The following GPATCH2 variants were observed in gnomAD, a reference collection of about 807,000 sequenced individuals.
GPATCH2 encodes the protein G patch domain-containing protein 2.
A neutral mutation model predicts 58.0 loss-of-function variants in GPATCH2; 51 were observed. That is an observed-to-expected ratio of 0.88 (90% CI 0.70 to 1.11). GPATCH2 has a LOEUF of 1.11. GPATCH2 is among the 50% of genes most tolerant of loss of function. GPATCH2 has a pLI of 0.00. For synonymous variants in GPATCH2, 222 were observed against 218.5 expected (o/e 1.02, Z -0.14); for missense variants, 625 against 652.2 (o/e 0.96, Z 0.45).
chr1:217,478,279 G>A (rs990696688), intron 8 of GPATCH2, among the ~76,000 whole-genome samples: 1 of 152,042 alleles, frequency 6.6e-6, no homozygotes, highest in African/African-American at 2.4e-5. Flanking sequence ...GACCATCCAG[G>A]AAAACATGAC....
intron 5 of GPATCH2, among the ~76,000 whole-genome samples, chr1:217,589,546 A>G (rs1335694326): frequency 6.6e-6 from 1 of 152,190 alleles, no homozygotes; most frequent in Non-Finnish European, 1.5e-5. Context: ...CTTGTATCTT[A>G]CTGTTTAACC....
intron 8 of GPATCH2, among the ~76,000 whole-genome samples, chr1:217,454,612 C>A (rs1181864218): frequency 2.8e-5 from 4 of 140,578 alleles, no homozygotes; most frequent in Admixed American, 7.1e-5. Context: ...AAAAAAAAAC[C>A]TTTCCTTTTT....
At chr1:217,467,462 T>G (rs1394267982) in intron 8 of GPATCH2, among the ~76,000 whole-genome samples, 2 of 151,872 alleles carry the variant, frequency 1.3e-5, no homozygotes, top group Non-Finnish European at 2.9e-5. Context: ...CAAATAAAAA[T>G]AGAAAAAAGA....
chr1:217,537,981 C>T (rs984159178), intron 5 of GPATCH2, among the ~76,000 whole-genome samples: 2 of 152,158 alleles, frequency 1.3e-5, no homozygotes, highest in Admixed American at 1.3e-4. Flanking sequence ...TTACCAGGAT[C>T]CTTTATTTTT....
At chr1:217,620,571 C>A in intron 1 of GPATCH2, 72 bp from the exon 2 acceptor site, 1 of 861,840 alleles carries the variant, frequency 1.2e-6, no homozygotes, top group Non-Finnish European at 1.8e-6. Flanking sequence ...CTATAACAGA[C>A]AATTCATTCT....
At chr1:217,597,446 C>T (rs932008129) in intron 5 of GPATCH2, among the ~76,000 whole-genome samples, 1 of 151,724 alleles carries the variant, frequency 6.6e-6, no homozygotes, top group Non-Finnish European at 1.5e-5. Context: ...GAGAGGGTGG[C>T]AATAAAAAAC....
At chr1:217,479,494 C>G (rs1417005927) in intron 8 of GPATCH2, among the ~76,000 whole-genome samples, 1 of 151,938 alleles carries the variant, frequency 6.6e-6, no homozygotes, top group Non-Finnish European at 1.5e-5. Flanking sequence ...GTGGTAACCT[C>G]TAATCAAAAA....
At chr1:217,585,513 G>A (rs1035263598) in intron 5 of GPATCH2, among the ~76,000 whole-genome samples, 2 of 151,986 alleles carry the variant, frequency 1.3e-5, no homozygotes, top group Non-Finnish European at 2.9e-5. Flanking sequence ...CCAGCTACTC[G>A]GTAGGCTGAG....
rs762933751 is a variant in GPATCH2, at chr1:217,610,916, G to A, written c.991C>T (p.Pro331Ser). ...CTTCTGCTTGGGTGTGACATAAGGG[G>A]AAAAGAACCAGTTAAGATACTTTCA... ...VFESILTGSF[P>S]LMSHPSRRGF... is the part of the protein sequence containing the mutation. The change falls in exon 4 of 10, where the codon CCC becomes TCC. Residue 331 changes from proline to serine, a missense_variant. Coordinates refer to ENST00000366935, the MANE Select transcript of GPATCH2 (RefSeq NM_018040.5). 1.4e-5 allele frequency: 23 copies of A among 1,613,046 alleles called. No individual in the cohort carries two copies. The highest frequency in any genetic ancestry group is 1.1e-5 in the Non-Finnish European group (13 of 1,179,554).
intron 6 of GPATCH2, among the ~76,000 whole-genome samples, chr1:217,508,134 T>G (rs1025064920): frequency 6.6e-6 from 1 of 152,232 alleles, no homozygotes; most frequent in Admixed American, 6.5e-5. Context: ...TTAAGACACG[T>G]AAGCTAAATG....
intron 6 of GPATCH2, among the ~76,000 whole-genome samples, chr1:217,499,273 T>A (rs771401098): frequency 6.6e-6 from 1 of 152,234 alleles, no homozygotes; most frequent in Admixed American, 6.5e-5. Context: ...AGTACCTCTA[T>A]GTACTAAGCA....
At chr1:217,466,577 C>T (rs1660462290) in intron 8 of GPATCH2, among the ~76,000 whole-genome samples, 1 of 152,012 alleles carries the variant, frequency 6.6e-6, no homozygotes, top group African/African-American at 2.4e-5. Flanking sequence ...AATTCCCTGA[C>T]TGTCTTATAG....
rs1661744576 is a variant in GPATCH2, at chr1:217,491,713, T to C, written c.1244A>G (p.His415Arg). 1 of 1,523,900 alleles carries C rather than the reference T, an allele frequency of 6.6e-7. No individual in the cohort carries two copies. The highest frequency in any genetic ancestry group is 9.0e-7 in the Non-Finnish European group (1 of 1,108,410). 94.4% of individuals were successfully genotyped at this position (1,523,900 alleles called of 1,614,324 possible). The change falls in exon 8 of 10, where the codon CAC (histidine) becomes CGC (arginine). Residue 415 changes from histidine to arginine, a missense_variant. Transcript: ENST00000366935. The stretch of plus-strand genomic sequence containing the variant: ...TGTTCTCACAGAACAATTTTTCTTG[T>C]GTCCTCTTTCAGCTCGATTATCTCT... ...LLRDNRAERG[H>R]KKNCSVRTAS...
chr1:217,617,343 C>G (rs1397766416), intron 2 of GPATCH2, among the ~76,000 whole-genome samples: 1 of 152,180 alleles, frequency 6.6e-6, no homozygotes, highest in Non-Finnish European at 1.5e-5. Flanking sequence ...TTACTACTTG[C>G]TTTAAAGCAC....
At chr1:217,571,708 A>AAAAAAAAAAAAAAAAAAAAG (rs1666552776) in intron 5 of GPATCH2, among the ~76,000 whole-genome samples, 1 of 148,216 alleles carries the variant, frequency 6.7e-6, no homozygotes, top group Non-Finnish European at 1.5e-5. Context: ...GAAACCAAAA[A>AAAAAAAAAAAAAAAAAAAAG]AAAAAAAAAA....
chr1:217,562,564 C>T lies in GPATCH2; in HGVS notation c.1099-47675G>A, dbSNP rs1665980347. ...CAAAGACGAGGGCAACAACAATGAA[C>T]CTAGAGTGAAAAGATCCAGATGTGA... On this transcript the variant is annotated intron_variant, in intron 5 of 9. Coordinates refer to ENST00000366935, the MANE Select transcript of GPATCH2 (RefSeq NM_018040.5). Among the ~76,000 whole-genome samples the T allele has an allele frequency of 2.0e-5, 3 of 152,138 alleles. No individual in the cohort carries two copies. In the South Asian group the frequency reaches 6.2e-4, roughly 31 times the overall value.
intron 5 of GPATCH2, among the ~76,000 whole-genome samples, chr1:217,604,111 G>A (rs886193773): frequency 1.3e-5 from 2 of 152,050 alleles, no homozygotes; most frequent in African/African-American, 2.4e-5. Flanking sequence ...AGTACTTTGG[G>A]AGGGCGAGGT....
intron 9 of GPATCH2, among the ~76,000 whole-genome samples, chr1:217,442,553 A>G (rs1188781546): frequency 6.6e-6 from 1 of 152,176 alleles, no homozygotes; most frequent in Non-Finnish European, 1.5e-5. Context: ...TATTTCCCCA[A>G]CTGATTAAGG....
chr1:217,470,856 TAAAC>T (rs1303283662), intron 8 of GPATCH2, among the ~76,000 whole-genome samples: 2 of 152,154 alleles, frequency 1.3e-5, no homozygotes, highest in African/African-American at 4.8e-5. Context: ...GCATTCCAAT[TAAAC>T]AAATATAGAA....
Sources: allele counts gnomAD v4.1 joint callset (sites outside exome capture counted in the v4.1 genomes callset), GRCh38; gene constraint gnomAD v4.1.1; transcripts MANE v1.5; gene names NCBI Gene and HGNC (gene_info 2026-07-23, HGNC 2026-07-21).